Variants in PRDM15 observed in about 807,000 individuals in gnomAD.
PRDM15 encodes the protein PR domain zinc finger protein 15.
In PRDM15, 64 loss-of-function variants were observed where a neutral mutation model predicts 128.6. The observed-to-expected ratio is 0.50, with a 90% CI of 0.41 to 0.61. The LOEUF (loss-of-function observed/expected upper bound fraction) is 0.61, where lower values mean the gene tolerates loss of function less well. Ranked by LOEUF, PRDM15 falls within the 20% of genes least tolerant of loss-of-function variation. PRDM15 has a pLI of 0.00. For missense variants in PRDM15, 1,242 were observed against 1,569.1 expected, an observed-to-expected ratio of 0.79 and a Z score of 3.52; for synonymous variants, 615 against 621.8, an observed-to-expected ratio of 0.99 and a Z score of 0.16.
intron 18 of PRDM15, 118 bp downstream of exon 18, chr21:41,819,459 GGCCCC>G: frequency 3.2e-6 from 1 of 312,552 alleles, no homozygotes; most frequent in Non-Finnish European, 5.8e-6. Flanking sequence ...CCGTGGCCCC[GGCCCC>G]CGCCCCCGCC....
chr21:41,843,378 G>A (rs542330949), intron 6 of PRDM15, among the ~76,000 whole-genome samples: 40 of 152,130 alleles, frequency 2.6e-4, no homozygotes, highest in Non-Finnish European at 4.3e-4. Context: ...ACTAGGGAAC[G>A]TCTCTTGTCC....
intron 16 of PRDM15, among the ~76,000 whole-genome samples, chr21:41,820,587 C>A (rs1327654200): frequency 2.0e-5 from 3 of 152,308 alleles, no homozygotes; most frequent in East Asian, 3.9e-4. Context: ...GGCGGCCCTG[C>A]CGCCACCGTG....
In PRDM15 at chr21:41,811,637, A is replaced by C. The variant is rs1158983368; in HGVS notation, c.2393-801T>G. ...GCACTCCAGCATGAGCAACAGAGAGACCCCATCTCTAACAACAGAAAGGTA... is the reference window on the plus strand; with the variant it reads ...GCACTCCAGCATGAGCAACAGAGAGCCCCCATCTCTAACAACAGAAAGGTA... On this transcript the variant is annotated intron_variant, in intron 19 of 23. Coordinates refer to ENST00000398548, the MANE Select transcript of PRDM15 (RefSeq NM_001040424.3). This position sits in a 1 kb window ranked among gnomAD's most constrained non-coding sequence, Gnocchi z 4.1. 6.7e-6 allele frequency: 1 copy of C among 150,042 alleles called. No individual in the cohort carries two copies. The allele number at this position is 150,042 out of a possible 1,614,324, so 9.3% of individuals were successfully genotyped here. A position where few individuals can be genotyped will look rare whatever the true frequency, so the allele number is the denominator to read the frequency against.
intron 5 of PRDM15, among the ~76,000 whole-genome samples, chr21:41,850,358 G>C (rs1601382313): frequency 8.1e-6 from 1 of 123,514 alleles, no homozygotes. Context: ...GAAGATCCAG[G>C]ATGTTTCTTC....
In PRDM15 at chr21:41,802,704, A is replaced by G; in HGVS notation, c.2943+8T>C. 6.2e-7 allele frequency: 1 copy of G among 1,613,196 alleles called. No individual in the cohort carries two copies. Among genetic ancestry groups the G allele is most frequent in the Non-Finnish European group, 8.5e-7 (1 of 1,179,126 alleles). On this transcript the variant is annotated splice_region_variant and intron_variant, in intron 23 of 23. Coordinates refer to ENST00000398548, the MANE Select transcript of PRDM15 (RefSeq NM_001040424.3). ...GCACCTAATCAGAACATAAAGCAGC[A>G]AACTGACCTGCTGAATGCTCTGTAC...
At chr21:41,849,101 T>A (rs1344002720) in intron 5 of PRDM15, among the ~76,000 whole-genome samples, 1 of 152,074 alleles carries the variant, frequency 6.6e-6, no homozygotes, top group African/African-American at 2.4e-5. Flanking sequence ...TATGCAAAAA[T>A]GCAGAGTTTA....
chr21:41,865,628 G>C (rs905174988), intron 1 of PRDM15, among the ~76,000 whole-genome samples: 1 of 152,076 alleles, frequency 6.6e-6, no homozygotes, highest in Non-Finnish European at 1.5e-5. Flanking sequence ...CTGACACCTT[G>C]CTCCCTTCAA....
At position 41,862,125 on chromosome 21, in the gene PRDM15, G is replaced by A. The variant is rs2063835835; in HGVS notation, c.-9-1753C>T. 5.4e-6 allele frequency: 4 copies of A among 738,806 alleles called. No homozygotes were observed. In the East Asian group the frequency reaches 8.1e-5, roughly 15 times the overall value. 45.8% of individuals were successfully genotyped at this position (738,806 alleles called of 1,614,324 possible). On this transcript the variant is annotated intron_variant, in intron 1 of 23. Coordinates refer to ENST00000398548, the MANE Select transcript of PRDM15 (RefSeq NM_001040424.3). The surrounding 1 kb of genome is among the most constrained non-coding windows in gnomAD (Gnocchi z 4.1). ...AGAAACCCAGAGTGGGGTGGGGAGGGCGCACGCTTTCATGAGTTGCTGCTG... is the reference window on the plus strand; with the variant it reads ...AGAAACCCAGAGTGGGGTGGGGAGGACGCACGCTTTCATGAGTTGCTGCTG...
At chr21:41,825,167 A>C (rs1360708808) in intron 13 of PRDM15, among the ~76,000 whole-genome samples, 1 of 152,246 alleles carries the variant, frequency 6.6e-6, no homozygotes, top group Admixed American at 6.5e-5. Context: ...AGGACAGATG[A>C]CATCTTACAG....
chr21:41,821,013 G>A lies in PRDM15; in HGVS notation c.2060+54C>T, dbSNP rs901158378. ...CTTATAGCATGTGTCTCTTTGCAAG[G>A]AAGCATGTCCCCTCTCTCCTGACAC... On this transcript the variant is annotated intron_variant, in intron 16 of 23. Transcript: ENST00000398548. The surrounding 1 kb of genome is among the most constrained non-coding windows in gnomAD (Gnocchi z 5.4). 2 of 1,606,200 alleles carry A rather than the reference G, an allele frequency of 1.2e-6. No homozygotes were observed. Among genetic ancestry groups the A allele is most frequent in the Non-Finnish European group, 1.7e-6 (2 of 1,173,076 alleles).
chr21:41,869,939 TC>T (rs1273355837), intron 1 of PRDM15, among the ~76,000 whole-genome samples: 1 of 152,258 alleles, frequency 6.6e-6, no homozygotes, highest in Non-Finnish European at 1.5e-5. Flanking sequence ...TGCCTGGGTC[TC>T]CCTTCTAGTC....
chr21:41,834,478 AGGAC>A (rs1276332826), intron 11 of PRDM15: 5 of 1,545,854 alleles, frequency 3.2e-6, no homozygotes, highest in Non-Finnish European at 4.4e-6. Flanking sequence ...CAGGCGGACA[AGGAC>A]GGGGTGGGCG....
chr21:41,827,959 G>C (rs2062527086), intron 12 of PRDM15, among the ~76,000 whole-genome samples: 1 of 150,596 alleles, frequency 6.6e-6, no homozygotes, highest in Admixed American at 6.6e-5. Flanking sequence ...GCGCACAGCA[G>C]GTCTGACACC....
intron 1 of PRDM15, among the ~76,000 whole-genome samples, chr21:41,865,584 C>T (rs919797438): frequency 3.3e-5 from 5 of 152,272 alleles, no homozygotes; most frequent in South Asian, 2.1e-4. Flanking sequence ...GGGGTTCCAC[C>T]GTCTTTCAAG....
At chr21:41,831,565 G>C (rs888605715) in intron 11 of PRDM15, among the ~76,000 whole-genome samples, 2 of 152,216 alleles carry the variant, frequency 1.3e-5, no homozygotes, top group Non-Finnish European at 2.9e-5. Context: ...GCCCAGGTTG[G>C]GGGTGAGGGA....
chr21:41,835,418 A>G lies in PRDM15; in HGVS notation c.1366+19T>C. The G allele has an allele frequency of 2.5e-6, 4 of 1,596,872 alleles. No individual in the cohort carries two copies. Among genetic ancestry groups the G allele is most frequent in the Non-Finnish European group, 3.4e-6 (4 of 1,171,908 alleles). On this transcript the variant is annotated intron_variant, in intron 11 of 23. Transcript: ENST00000398548. ...CGTACCGCACAGCGGCCGAGGGGAG[A>G]CGTGACCGGCGCCCTCACCTGTCCT...
chr21:41,839,547 CCCTGCCCCG>C, intron 7 of PRDM15, 67 bp downstream of exon 7: 1 of 1,292,006 alleles, frequency 7.7e-7, no homozygotes, highest in Non-Finnish European at 1.1e-6. Flanking sequence ...GCCCTCTGCC[CCCTGCCCCG>C]CCAGCCCTCG....
Position 41,823,594 on chromosome 21 carries a change from T to C in PRDM15, c.1630-145A>G, listed in dbSNP as rs1164551349. On this transcript the variant is annotated intron_variant, in intron 13 of 23. Coordinates refer to ENST00000398548, the MANE Select transcript of PRDM15 (RefSeq NM_001040424.3). Reference sequence around the variant, plus strand: ...GCCTTGCATCTCCAGTTCCTCAGTGTGTGAGAGACACAAATAATCACTGAT... The same window carrying C: ...GCCTTGCATCTCCAGTTCCTCAGTGCGTGAGAGACACAAATAATCACTGAT... The C allele has an allele frequency of 5.0e-6, 4 of 797,228 alleles. No individual in the cohort carries two copies. The East Asian group carries it at 1.1e-4, about 22-fold the overall frequency. The allele number at this position is 797,228 out of a possible 1,614,324, so 49.4% of individuals were successfully genotyped here. A position where few individuals can be genotyped will look rare whatever the true frequency, so the allele number is the denominator to read the frequency against.
rs1203140381 is a variant in PRDM15 at position 41,837,949 on chromosome 21, G to T, written c.986C>A (p.Thr329Asn). The T allele has an allele frequency of 6.2e-7, 1 of 1,614,224 alleles. No individual in the cohort carries two copies. Among genetic ancestry groups the T allele is most frequent in the East Asian group, 2.2e-5 (1 of 44,876 alleles). The change falls in exon 8 of 24, where the codon ACC (threonine) becomes AAC (asparagine). Residue 329 changes from threonine (T) to asparagine (N), a missense_variant. Coordinates refer to ENST00000398548, the MANE Select transcript of PRDM15 (RefSeq NM_001040424.3). ...CAGGACTTACTTTGGAACCGAGCTG[G>T]TGTCAGTGGTGGTGGTGGCCAGCTT... is the stretch of plus-strand genomic sequence containing the variant. The part of the protein sequence containing the change: ...LGKLATTTTD[T>N]SSVPKFTHHQ...
Sources: allele counts gnomAD v4.1 joint callset (sites outside exome capture counted in the v4.1 genomes callset), GRCh38; gene constraint gnomAD v4.1.1; non-coding constraint Gnocchi (gnomAD v3.1); transcripts MANE v1.5; gene names NCBI Gene and HGNC (gene_info 2026-07-23, HGNC 2026-07-21).